Variants in ENPP1 observed in about 807,000 individuals in gnomAD.
ENPP1 encodes the protein ectonucleotide pyrophosphatase/phosphodiesterase 1, also known as ectonucleotide pyrophosphatase/phosphodiesterase family member 1.
A neutral mutation model predicts 122.8 loss-of-function variants in ENPP1; 73 were observed. The observed-to-expected ratio is 0.59, with a 90% CI of 0.49 to 0.72. ENPP1 has a LOEUF of 0.72. ENPP1 is among the 30% of genes least tolerant of loss of function. The probability of loss-of-function intolerance (pLI) is 0.00; values close to 1 mark genes in which losing one functional copy is unlikely to be tolerated. For missense variants in ENPP1, 978 were observed against 1,128.1 expected (o/e 0.87, Z 1.91); for synonymous variants, 367 against 391.6 (o/e 0.94, Z 0.74).
chr6:131,835,334 T>C (rs932188641), intron 1 of ENPP1, among the ~76,000 whole-genome samples: 5 of 152,212 alleles, frequency 3.3e-5, no homozygotes, highest in Non-Finnish European at 1.5e-5. Flanking sequence ...GATAGGAGTT[T>C]TCTTTGAGTC....
intron 5 of ENPP1, among the ~76,000 whole-genome samples, chr6:131,854,202 C>T (rs1781916481): frequency 6.6e-6 from 1 of 151,778 alleles, no homozygotes; most frequent in South Asian, 2.1e-4. Context: ...CCTAGGAGTT[C>T]GAGACCAGCC....
chr6:131,890,346 G>A lies in ENPP1; in HGVS notation c.2613G>A (p.Gly871=). 4 of 1,613,624 alleles carry A rather than the reference G, an allele frequency of 2.5e-6. No homozygotes were observed. The highest frequency in any genetic ancestry group is 1.7e-6 in the Non-Finnish European group (2 of 1,179,540). ...RTDNSESCVH[G]KHDSSWVEEL... ...TATATTTCCTATTCTCCTAGCATGG[G>A]AAGCATGACTCCTCATGGGTTGAAG... The change falls in exon 25 of 25, where the codon GGG becomes GGA. Residue 871 remains glycine (G), a synonymous_variant. Transcript: ENST00000647893.
chr6:131,881,171 G>A (rs910832256), intron 20 of ENPP1, among the ~76,000 whole-genome samples: 3 of 152,122 alleles, frequency 2.0e-5, no homozygotes, highest in African/African-American at 7.2e-5. Context: ...TAATCAGTGA[G>A]ACAACCAAAT....
At chr6:131,882,742 A>G (rs970434275) in intron 21 of ENPP1, among the ~76,000 whole-genome samples, 8 of 150,608 alleles carry the variant, frequency 5.3e-5, no homozygotes, top group Non-Finnish European at 8.9e-5. Flanking sequence ...AAAAATTTTA[A>G]TCATCTAAAA....
chr6:131,827,740 A>T (rs1781562758), intron 1 of ENPP1: 2 of 695,774 alleles, frequency 2.9e-6, no homozygotes, highest in Non-Finnish European at 5.4e-6. Flanking sequence ...CTTCTTGTCC[A>T]GGCCACTGGA....
intron 1 of ENPP1, chr6:131,820,335 G>T (rs1351146320): frequency 1.3e-5 from 2 of 157,670 alleles, no homozygotes; most frequent in African/African-American, 2.4e-5. Flanking sequence ...AGAACTAGGG[G>T]ATGTGAGGGC....
intron 16 of ENPP1, 53 bp downstream of exon 16, chr6:131,874,390 G>T: frequency 9.7e-7 from 1 of 1,035,424 alleles, no homozygotes; most frequent in Non-Finnish European, 1.5e-6. Flanking sequence ...AAAATGATAT[G>T]CAAAGTTTTA....
At chr6:131,859,901 G>A (rs1425989733) in intron 7 of ENPP1, among the ~76,000 whole-genome samples, 11 of 152,190 alleles carry the variant, frequency 7.2e-5, no homozygotes, top group Admixed American at 7.2e-4. Context: ...CCTTTTGGTG[G>A]CAGGGCAGTG....
chr6:131,847,937 A>C (rs569271709), intron 2 of ENPP1, 89 bp downstream of exon 2: 1 of 971,592 alleles, frequency 1.0e-6, no homozygotes, highest in Non-Finnish European at 1.6e-6. Context: ...TGAGGTAAAC[A>C]TTATCTCCTA....
chr6:131,813,666 C>A (rs541509820), intron 1 of ENPP1, among the ~76,000 whole-genome samples: 1 of 152,114 alleles, frequency 6.6e-6, no homozygotes, highest in Non-Finnish European at 1.5e-5. Context: ...GCCACAGAGA[C>A]GTTTTCGCGG....
chr6:131,882,909 A>G (rs1782331340), intron 21 of ENPP1, among the ~76,000 whole-genome samples: 1 of 152,010 alleles, frequency 6.6e-6, no homozygotes, highest in South Asian at 2.1e-4. Context: ...AGAATATATC[A>G]AGGTTCTTAG....
chr6:131,819,993 A>G, intron 1 of ENPP1: 1 of 562,916 alleles, frequency 1.8e-6, no homozygotes, highest in Non-Finnish European at 3.4e-6. Flanking sequence ...GCAAAACCAC[A>G]AACTCAGCTG....
chr6:131,881,675 A>G (rs1394374521), intron 20 of ENPP1, among the ~76,000 whole-genome samples: 5 of 152,158 alleles, frequency 3.3e-5, no homozygotes, highest in Admixed American at 6.5e-5. Context: ...CGAGGTCAGG[A>G]GTTCGAGACC....
chr6:131,857,766 A>G lies in ENPP1; in HGVS notation c.716-902A>G, dbSNP rs74893732. 3.2e-4 allele frequency among the ~76,000 whole-genome samples: 48 copies of G among 152,282 alleles called. 2 individuals carry two copies. In the East Asian group the frequency reaches 9.3e-3, roughly 29 times the overall value. ...GTATACATATGTAACTAACCTGCACAATGTGCACATGTACCCTAAAACTTA... is the reference window on the plus strand; with the variant it reads ...GTATACATATGTAACTAACCTGCACGATGTGCACATGTACCCTAAAACTTA... On this transcript the variant is annotated intron_variant, in intron 6 of 24. Coordinates refer to ENST00000647893, the MANE Select transcript of ENPP1 (RefSeq NM_006208.3).
At chr6:131,868,655 G>A (rs1253872913) in intron 12 of ENPP1, among the ~76,000 whole-genome samples, 2 of 152,162 alleles carry the variant, frequency 1.3e-5, no homozygotes, top group African/African-American at 4.8e-5. Context: ...ATGTTGAGCA[G>A]GCTGGTCTCA....
intron 1 of ENPP1, among the ~76,000 whole-genome samples, chr6:131,843,465 C>T (rs910317280): frequency 1.3e-5 from 2 of 152,156 alleles, no homozygotes; most frequent in African/African-American, 2.4e-5. Context: ...GTATTTTAAA[C>T]CAATGGTTAC....
chr6:131,826,566 A>G (rs904569630), intron 1 of ENPP1: 2 of 1,224,678 alleles, frequency 1.6e-6, no homozygotes, highest in African/African-American at 3.0e-5. Context: ...ACTCATGCAA[A>G]TTATTCAGGC....
chr6:131,828,908 A>C (rs576424108), intron 1 of ENPP1, among the ~76,000 whole-genome samples: 6 of 152,356 alleles, frequency 3.9e-5, no homozygotes, highest in African/African-American at 1.2e-4. Flanking sequence ...TCCTCTGTTT[A>C]GTTGTCTTTT....
In ENPP1 at chr6:131,892,461, G is replaced by A. The variant is rs1180279008; in HGVS notation, c.*1950G>A. ...GTCTTTATTGATTCTTCCCTGGCTGGAATGTGCAGCGGCACCTTTTGGTGC... is the reference window on the plus strand; with the variant it reads ...GTCTTTATTGATTCTTCCCTGGCTGAAATGTGCAGCGGCACCTTTTGGTGC... On this transcript the variant is annotated 3_prime_UTR_variant, in exon 25 of 25. Transcript: ENST00000647893. 1 of 152,124 alleles carries A rather than the reference G, an allele frequency of 6.6e-6. No homozygotes were observed. The highest frequency in any genetic ancestry group is 1.5e-5 in the Non-Finnish European group (1 of 68,040). The allele number at this position is 152,124 out of a possible 1,614,324, so 9.4% of individuals were successfully genotyped here.
Sources: allele counts gnomAD v4.1 joint callset (sites outside exome capture counted in the v4.1 genomes callset), GRCh38; gene constraint gnomAD v4.1.1; transcripts MANE v1.5; gene names NCBI Gene and HGNC (gene_info 2026-07-23, HGNC 2026-07-21).